The following TYR variants were observed in gnomAD, a reference collection of about 807,000 sequenced individuals.
TYR encodes tyrosinase.
A neutral mutation model predicts 51.5 loss-of-function variants in TYR; 58 were observed. That is an observed-to-expected ratio of 1.13 (90% CI 0.91 to 1.40). The LOEUF is 1.40. Among genes scored for constraint, TYR ranks in the 40% most tolerant of loss-of-function variants. The pLI is 0.00. For missense variants in TYR, 732 were observed against 647.4 expected, an observed-to-expected ratio of 1.13 and a Z score of -1.42; for synonymous variants, 263 against 235.2, an observed-to-expected ratio of 1.12 and a Z score of -1.08.
chr11:89,212,035 G>A (rs1212054008), intron 2 of TYR, among the ~76,000 whole-genome samples: 1 of 152,112 alleles, frequency 6.6e-6, no homozygotes, highest in Admixed American at 6.6e-5. Flanking sequence ...ACAAGTAAAA[G>A]AAGTAGAGAA....
chr11:89,240,596 T>G (rs1175027956), intron 3 of TYR, among the ~76,000 whole-genome samples: 2 of 152,176 alleles, frequency 1.3e-5, no homozygotes, highest in Non-Finnish European at 2.9e-5. Context: ...TCATATGGTT[T>G]CTTTTTAATT....
chr11:89,204,824 T>TAAA (rs768437651), intron 2 of TYR, among the ~76,000 whole-genome samples: 5 of 140,006 alleles, frequency 3.6e-5, no homozygotes, highest in African/African-American at 1.3e-4. Flanking sequence ...ATCCTTGAAT[T>TAAA]AAAAAAAAAA....
At chr11:89,255,340 G>A (rs1156506236) in intron 3 of TYR, among the ~76,000 whole-genome samples, 1 of 150,994 alleles carries the variant, frequency 6.6e-6, no homozygotes, top group Non-Finnish European at 1.5e-5. Flanking sequence ...TTTGTTCTAG[G>A]GTATAGTTTA....
chr11:89,203,448 T>C (rs1943626349), intron 2 of TYR, among the ~76,000 whole-genome samples: 1 of 152,152 alleles, frequency 6.6e-6, no homozygotes, highest in African/African-American at 2.4e-5. Context: ...AACAATGAAA[T>C]TTTGGTGGGA....
At chr11:89,193,724 C>T (rs1043640668) in intron 2 of TYR, among the ~76,000 whole-genome samples, 2 of 152,106 alleles carry the variant, frequency 1.3e-5, no homozygotes, top group African/African-American at 4.8e-5. Context: ...AAGAACTTTT[C>T]TTTACCAGGT....
intron 3 of TYR, among the ~76,000 whole-genome samples, chr11:89,230,505 G>C (rs906353628): frequency 2.0e-5 from 3 of 151,838 alleles, no homozygotes; most frequent in Non-Finnish European, 4.4e-5. Context: ...CCAAAGCAAA[G>C]GTAACAAACA....
At chr11:89,188,141 C>T (rs1379300640) in intron 1 of TYR, among the ~76,000 whole-genome samples, 2 of 150,970 alleles carry the variant, frequency 1.3e-5, no homozygotes, top group Non-Finnish European at 3.0e-5. Flanking sequence ...ACCTACTCCA[C>T]TAGAAGGTAA....
chr11:89,178,273 T>C lies in TYR; in HGVS notation c.320T>C (p.Phe107Ser). The C allele has an allele frequency of 6.2e-7, 1 of 1,614,174 alleles. No homozygotes were observed. Among genetic ancestry groups the C allele is most frequent in the South Asian group, 1.1e-5 (1 of 91,082 alleles). ...AACTGTGGAAACTGCAAGTTTGGCT[T>C]TTGGGGACCAAACTGCACAGAGAGA... ...GFNCGNCKFG[F>S]WGPNCTERRL... is the part of the protein sequence containing the mutation. The change falls in exon 1 of 5, where the codon TTT (phenylalanine) becomes TCT (serine). Residue 107 changes from phenylalanine (F) to serine (S), a missense_variant. By Grantham distance (155) the Phe-to-Ser change is radical (BLOSUM62 -2). Coordinates refer to ENST00000263321, the MANE Select transcript of TYR (RefSeq NM_000372.5).
At chr11:89,240,714 T>C (rs1055004216) in intron 3 of TYR, among the ~76,000 whole-genome samples, 5 of 152,168 alleles carry the variant, frequency 3.3e-5, no homozygotes, top group African/African-American at 1.2e-4. Flanking sequence ...TTTCTGGACT[T>C]TGCAACTGGA....
In TYR at chr11:89,289,457, G is replaced by A. The variant is rs541721358; in HGVS notation, c.1366+4503G>A. ...TTACTCAGTGGGACAGTCTTCTGGG[G>A]TGCATTCCCTGACTTCACAGAGATG... On this transcript the variant is annotated intron_variant, in intron 4 of 4. Transcript: ENST00000263321. Among the ~76,000 whole-genome samples the A allele has an allele frequency of 7.2e-5, 11 of 152,010 alleles. No homozygotes were observed. In the East Asian group the frequency reaches 1.9e-3, roughly 27 times the overall value.
chr11:89,262,600 C>T (rs1428613003), intron 3 of TYR, among the ~76,000 whole-genome samples: 2 of 141,720 alleles, frequency 1.4e-5, no homozygotes, highest in Non-Finnish European at 3.1e-5. Context: ...TTTAGCTAGA[C>T]TGGCCAAGAA....
At chr11:89,185,869 A>G (rs940670266) in intron 1 of TYR, among the ~76,000 whole-genome samples, 7 of 152,178 alleles carry the variant, frequency 4.6e-5, no homozygotes, top group Non-Finnish European at 7.4e-5. Flanking sequence ...ACGTAGTCAC[A>G]TATTTTTATC....
chr11:89,271,621 C>T (rs1294838344), intron 3 of TYR, among the ~76,000 whole-genome samples: 1 of 151,762 alleles, frequency 6.6e-6, no homozygotes, highest in Non-Finnish European at 1.5e-5. Context: ...GTGGATGCAA[C>T]AATTTCTTAA....
At chr11:89,243,520 T>C (rs761258582) in intron 3 of TYR, among the ~76,000 whole-genome samples, 3 of 152,206 alleles carry the variant, frequency 2.0e-5, no homozygotes, top group Non-Finnish European at 4.4e-5. Context: ...TGTATTAGAA[T>C]TGTATTATTA....
At chr11:89,246,440 G>A (rs1479965440) in intron 3 of TYR, among the ~76,000 whole-genome samples, 1 of 151,980 alleles carries the variant, frequency 6.6e-6, no homozygotes, top group Non-Finnish European at 1.5e-5. Context: ...AAAGTATAAG[G>A]GGCTTAAAAA....
chr11:89,190,950 A>C (rs960754125), intron 1 of TYR, among the ~76,000 whole-genome samples: 3 of 152,156 alleles, frequency 2.0e-5, no homozygotes, highest in African/African-American at 7.2e-5. Flanking sequence ...AGGTTTTACC[A>C]AACAGCCAAG....
intron 3 of TYR, among the ~76,000 whole-genome samples, chr11:89,230,282 G>A (rs765820356): frequency 4.6e-5 from 7 of 152,080 alleles, no homozygotes; most frequent in Non-Finnish European, 8.8e-5. Flanking sequence ...AATGGGGAAA[G>A]GACAGTGTCT....
At chr11:89,270,752 A>G (rs181046406) in intron 3 of TYR, among the ~76,000 whole-genome samples, 1 of 152,004 alleles carries the variant, frequency 6.6e-6, no homozygotes, top group East Asian at 1.9e-4. Context: ...CTCTCTAGGG[A>G]AAAATATACA....
chr11:89,263,655 CA>C (rs1944488990), intron 3 of TYR, among the ~76,000 whole-genome samples: 1 of 151,804 alleles, frequency 6.6e-6, no homozygotes, highest in Non-Finnish European at 1.5e-5. Context: ...TTGCAAGATA[CA>C]AAATCAATAT....
Sources: allele counts gnomAD v4.1 joint callset (sites outside exome capture counted in the v4.1 genomes callset), GRCh38; gene constraint gnomAD v4.1.1; transcripts MANE v1.5; gene names NCBI Gene and HGNC (gene_info 2026-07-23, HGNC 2026-07-21).